The following CECR2 variants were observed in gnomAD, a reference collection of about 807,000 sequenced individuals.
CECR2 encodes CECR2 histone acetyl-lysine reader.
Under a neutral mutation model 154.5 loss-of-function variants are expected in CECR2, and 30 were observed. The ratio of observed to expected loss-of-function variants is 0.19; its 90% CI spans 0.15 to 0.26. The LOEUF is 0.26. CECR2 is among the 10% of genes least tolerant of loss of function. The probability of loss-of-function intolerance (pLI) is 1.00; values close to 1 mark genes in which losing one functional copy is unlikely to be tolerated. For synonymous variants in CECR2, 725 were observed against 683.7 expected, an observed-to-expected ratio of 1.06 and a Z score of -0.94; for missense variants, 1,743 against 1,829.3, an observed-to-expected ratio of 0.95 and a Z score of 0.86.
chr22:17,433,483 T>C (rs2054457589), intron 1 of CECR2, among the ~76,000 whole-genome samples: 1 of 152,222 alleles, frequency 6.6e-6, no homozygotes, highest in African/African-American at 2.4e-5. Flanking sequence ...TCTGGCTCTG[T>C]TGCCCAGGCT....
Position 17,369,641 on chromosome 22 carries a change from C to G in CECR2, c.-143C>G, listed in dbSNP as rs1294415230. ...GCCCGCCCTCGGCTCCTGCACTCGC[C>G]GAGCGGCGGCAGCAGCGGGAGGAGC... On this transcript the variant is annotated 5_prime_UTR_variant, in exon 1 of 19. Transcript: ENST00000262608. 4.1e-5 allele frequency: 6 copies of G among 146,906 alleles called. No individual in the cohort carries two copies. The highest frequency in any genetic ancestry group is 7.6e-5 in the Non-Finnish European group (5 of 65,950). The allele number at this position is 146,906 out of a possible 1,614,324, so 9.1% of individuals were successfully genotyped here.
intron 7 of CECR2, among the ~76,000 whole-genome samples, chr22:17,507,630 T>C (rs958121581): frequency 2.0e-5 from 3 of 152,322 alleles, no homozygotes; most frequent in Admixed American, 1.3e-4. Context: ...AGCATAAAAC[T>C]GATGATTTTG....
chr22:17,455,596 T>TA (rs1283985029), intron 1 of CECR2, among the ~76,000 whole-genome samples: 3 of 152,194 alleles, frequency 2.0e-5, no homozygotes, highest in East Asian at 1.9e-4. Context: ...CTTGGCAGCT[T>TA]AAAACAGCAC....
intron 1 of CECR2, among the ~76,000 whole-genome samples, chr22:17,444,447 CA>C (rs2054629073): frequency 2.0e-5 from 3 of 152,058 alleles, no homozygotes; most frequent in Admixed American, 2.0e-4. Flanking sequence ...GCTAACATGG[CA>C]AAACCCCATT....
intron 5 of CECR2, among the ~76,000 whole-genome samples, chr22:17,501,337 T>C (rs1365996835): frequency 6.6e-6 from 1 of 152,136 alleles, no homozygotes; most frequent in Non-Finnish European, 1.5e-5. Flanking sequence ...ATTAAGAATA[T>C]AGATCACTCA....
chr22:17,515,389 T>G (rs1029199696), intron 8 of CECR2, among the ~76,000 whole-genome samples: 10 of 152,224 alleles, frequency 6.6e-5, no homozygotes, highest in African/African-American at 1.7e-4. Flanking sequence ...CCACCATGTC[T>G]TTATAGAAAA....
At chr22:17,486,685 C>T (rs2055426679) in intron 2 of CECR2, among the ~76,000 whole-genome samples, 1 of 152,150 alleles carries the variant, frequency 6.6e-6, no homozygotes, top group African/African-American at 2.4e-5. Flanking sequence ...ACACCAGTGA[C>T]TTATTAAGTG....
Position 17,551,788 on chromosome 22 carries a change from C to A in CECR2, c.4278-243C>A, listed in dbSNP as rs989799597. On this transcript the variant is annotated intron_variant, in intron 17 of 18. Coordinates refer to ENST00000262608, the MANE Select transcript of CECR2 (RefSeq NM_001290047.2). The stretch of plus-strand genomic sequence containing the variant: ...ATTCTAACAGGGTGACAGAGCAAGA[C>A]CCTGTCTCTAAAAGAAAAAAAAAAA... Among the ~76,000 whole-genome samples the A allele has an allele frequency of 3.9e-5, 6 of 151,966 alleles. No individual in the cohort carries two copies. In the East Asian group the frequency reaches 7.7e-4, roughly 20 times the overall value.
chr22:17,416,589 T>C (rs1222571462), intron 1 of CECR2, among the ~76,000 whole-genome samples: 1 of 152,162 alleles, frequency 6.6e-6, no homozygotes, highest in Non-Finnish European at 1.5e-5. Context: ...ACAGTGGCAC[T>C]GTCTTGGGTT....
intron 1 of CECR2, among the ~76,000 whole-genome samples, chr22:17,394,548 A>G (rs1157172099): frequency 6.6e-6 from 1 of 152,140 alleles, no homozygotes; most frequent in Admixed American, 6.6e-5. Context: ...TCCCTGTGCC[A>G]GTACCACTAT....
rs143484485 is a variant in CECR2, at chr22:17,511,733, C to T, written c.871-80C>T. 2,873 of 1,249,996 alleles carry T rather than the reference C, an allele frequency of 2.3e-3. 7 individuals are homozygous for T. The highest frequency in any genetic ancestry group is 2.9e-3 in the Non-Finnish European group (2,580 of 876,830). The allele number at this position is 1,249,996 out of a possible 1,614,324, so 77.4% of individuals were successfully genotyped here. A position where few individuals can be genotyped will look rare whatever the true frequency, so the allele number is the denominator to read the frequency against. On this transcript the variant is annotated intron_variant, in intron 7 of 18. Transcript: ENST00000262608. ...GCCTCATTGGCCACTTTTTTACTGG[C>T]GGCAGCAGCAGCAGCAGCATCAGTA...
intron 6 of CECR2, among the ~76,000 whole-genome samples, chr22:17,503,921 C>T (rs2055785093): frequency 6.6e-6 from 1 of 151,862 alleles, no homozygotes; most frequent in South Asian, 2.1e-4. Flanking sequence ...GTGGCAGGCA[C>T]CTGTAATCCC....
At chr22:17,367,205 A>G (rs1480501058), upstream of CECR2, among the ~76,000 whole-genome samples, 1 of 152,126 alleles carries the variant, frequency 6.6e-6, no homozygotes, top group Non-Finnish European at 1.5e-5. Flanking sequence ...TGTAAACGAC[A>G]TTAAACACAC....
chr22:17,431,749 A>T (rs965208868), intron 1 of CECR2, among the ~76,000 whole-genome samples: 2 of 151,708 alleles, frequency 1.3e-5, no homozygotes, highest in African/African-American at 2.4e-5. Context: ...AACATCAAAC[A>T]CGTTTTCTAG....
chr22:17,523,755 CAAAA>C (rs66963477), intron 8 of CECR2, among the ~76,000 whole-genome samples: 8 of 101,168 alleles, frequency 7.9e-5, no homozygotes, highest in South Asian at 3.6e-4. Context: ...GACTCTATCT[CAAAA>C]AAAAAAAAAA....
chr22:17,397,848 T>C (rs910593874), intron 1 of CECR2, among the ~76,000 whole-genome samples: 3 of 152,212 alleles, frequency 2.0e-5, no homozygotes, highest in Non-Finnish European at 2.9e-5. Context: ...CTTTTAGTAA[T>C]GCAGCTGTGG....
rs190077373 is a variant in CECR2, at chr22:17,373,321, T to C, written c.126+3412T>C. Among the ~76,000 whole-genome samples, 303 of 152,298 alleles carry C rather than the reference T, an allele frequency of 2.0e-3. No individual in the cohort carries two copies. In the Middle Eastern group the frequency reaches 0.02, roughly 10 times the overall value. ...GAGTCAACGAATACTTGGTTCTTAG[T>C]TTTAGATAAGAAACCTGCCAAGTAT... On this transcript the variant is annotated intron_variant, in intron 1 of 18. Transcript: ENST00000262608.
chr22:17,431,782 G>A (rs540945770), intron 1 of CECR2, among the ~76,000 whole-genome samples: 1 of 92,708 alleles, frequency 1.1e-5, no homozygotes, highest in African/African-American at 5.4e-5. Context: ...TTTTTTTTTG[G>A]GAGGGGCGCG....
chr22:17,496,294 G>C (rs1218944968), intron 2 of CECR2, among the ~76,000 whole-genome samples: 1 of 151,966 alleles, frequency 6.6e-6, no homozygotes, highest in Non-Finnish European at 1.5e-5. Context: ...TCAGGAGATC[G>C]AGACCATCCT....
Sources: allele counts gnomAD v4.1 joint callset (sites outside exome capture counted in the v4.1 genomes callset), GRCh38; gene constraint gnomAD v4.1.1; transcripts MANE v1.5; gene names NCBI Gene and HGNC (gene_info 2026-07-23, HGNC 2026-07-21).